CAPZB: variants seen among roughly 807,000 people sequenced by gnomAD.
CAPZB encodes capping actin protein of muscle Z-line subunit beta.
Under a neutral mutation model 38.1 loss-of-function variants are expected in CAPZB, and 2 were observed. That is an observed-to-expected ratio of 0.05 (90% CI 0.02 to 0.17). CAPZB has a LOEUF of 0.17. Ranked by LOEUF, CAPZB falls within the 10% of genes least tolerant of loss-of-function variation. The pLI is 1.00. For synonymous variants in CAPZB, 107 were observed against 127.4 expected (o/e 0.84, Z 1.08); for missense variants, 161 against 334.2 (o/e 0.48, Z 4.04).
At position 19,419,718 on chromosome 1, in the gene CAPZB, T is replaced by C; in HGVS notation, c.36A>G (p.Leu12=). 7 of 1,593,684 alleles carry C rather than the reference T, an allele frequency of 4.4e-6. No individual in the cohort carries two copies. Among genetic ancestry groups the C allele is most frequent in the Non-Finnish European group, 6.0e-6 (7 of 1,168,574 alleles). ...TTTGCTGGGGAGGCAGGCGCCTCAT[T>C]AGGTCCAAGGCACAGTCCAGCTGCT... is the stretch of plus-strand genomic sequence containing the variant. ...SDQQLDCALD[L]MRRLPPQQIE... is the part of the protein sequence containing the mutation. Residue 12 remains leucine, a synonymous_variant, in exon 2 of 9, where the codon CTA becomes CTG. Transcript: ENST00000264202.
At chr1:19,474,522 T>G (rs2094600256) in intron 1 of CAPZB, among the ~76,000 whole-genome samples, 1 of 152,134 alleles carries the variant, frequency 6.6e-6, no homozygotes, top group African/African-American at 2.4e-5. Flanking sequence ...TCCTTTATCT[T>G]GCCCCCTTCT....
chr1:19,412,937 G>C (rs932600846), intron 2 of CAPZB, among the ~76,000 whole-genome samples: 1 of 152,204 alleles, frequency 6.6e-6, no homozygotes, highest in African/African-American at 2.4e-5. Flanking sequence ...CCTCCTTCCA[G>C]AAATTAATTC....
intron 2 of CAPZB, among the ~76,000 whole-genome samples, chr1:19,413,198 G>A (rs571928675): frequency 1.8e-4 from 28 of 152,286 alleles, no homozygotes; most frequent in African/African-American, 4.3e-4. Context: ...ATTTTGACCC[G>A]TGGAGGAGAA....
chr1:19,362,993 G>A (rs1013617335), intron 4 of CAPZB, among the ~76,000 whole-genome samples: 24 of 152,292 alleles, frequency 1.6e-4, no homozygotes, highest in Admixed American at 4.6e-4. Flanking sequence ...GTTTGCTTGC[G>A]TCCACTGAAG....
intron 1 of CAPZB, among the ~76,000 whole-genome samples, chr1:19,466,159 G>A (rs370277009): frequency 2.6e-5 from 4 of 152,298 alleles, no homozygotes; most frequent in African/African-American, 9.6e-5. Context: ...GGTGGGTGGA[G>A]GATCAGACTC....
intron 2 of CAPZB, among the ~76,000 whole-genome samples, chr1:19,407,945 C>G (rs1188590191): frequency 6.6e-6 from 1 of 152,166 alleles, no homozygotes; most frequent in African/African-American, 2.4e-5. Context: ...AGTCTGGAGG[C>G]TCACCTTCTG....
chr1:19,341,240 A>T (rs982957508), intron 8 of CAPZB, among the ~76,000 whole-genome samples: 2 of 152,230 alleles, frequency 1.3e-5, no homozygotes, highest in African/African-American at 2.4e-5. Context: ...GGCCAAAGGC[A>T]TCAGCCCCCA....
At chr1:19,352,322 G>A (rs191381130) in intron 6 of CAPZB, among the ~76,000 whole-genome samples, 1 of 152,336 alleles carries the variant, frequency 6.6e-6, no homozygotes, top group East Asian at 1.9e-4. Context: ...ACTAGCCAAT[G>A]ACCTGCCTGA....
chr1:19,483,996 G>A (rs1292643664), intron 1 of CAPZB, among the ~76,000 whole-genome samples: 4 of 152,204 alleles, frequency 2.6e-5, no homozygotes, highest in African/African-American at 7.2e-5. Flanking sequence ...ATCCTGTCAG[G>A]AAGAAGTTCT....
intron 2 of CAPZB, among the ~76,000 whole-genome samples, chr1:19,395,675 G>A (rs2094263298): frequency 1.3e-5 from 2 of 152,200 alleles, no homozygotes; most frequent in African/African-American, 4.8e-5. Flanking sequence ...CAGGCCCTCG[G>A]AGCCTAATTA....
intron 1 of CAPZB, among the ~76,000 whole-genome samples, chr1:19,422,507 C>T (rs1303445271): frequency 6.6e-5 from 10 of 152,070 alleles, no homozygotes; most frequent in Admixed American, 3.9e-4. Flanking sequence ...GAGGCCAAGG[C>T]GGGCGGATCA....
At chr1:19,362,032 C>T (rs1237145272) in intron 4 of CAPZB, among the ~76,000 whole-genome samples, 1 of 152,166 alleles carries the variant, frequency 6.6e-6, no homozygotes, top group Admixed American at 6.5e-5. Context: ...CTGGCCCCTG[C>T]CCATGCCTGA....
At chr1:19,354,681 T>C (rs535161610) in intron 6 of CAPZB, among the ~76,000 whole-genome samples, 8 of 152,374 alleles carry the variant, frequency 5.3e-5, no homozygotes, top group Non-Finnish European at 5.9e-5. Flanking sequence ...ACTCTGGCCA[T>C]GGGCTGACAG....
intron 8 of CAPZB, chr1:19,342,612 G>A: frequency 1.5e-6 from 1 of 652,098 alleles, no homozygotes; most frequent in African/African-American, 1.8e-5. Context: ...CGGGAATGTG[G>A]CTGTGCACCG....
chr1:19,352,848 T>A (rs1347926010), intron 6 of CAPZB, among the ~76,000 whole-genome samples: 4 of 152,252 alleles, frequency 2.6e-5, no homozygotes, highest in African/African-American at 9.6e-5. Context: ...GGAGGCAGCA[T>A]CGCCTGGTCT....
chr1:19,346,709 A>G (rs2093962861), intron 6 of CAPZB, among the ~76,000 whole-genome samples: 1 of 151,712 alleles, frequency 6.6e-6, no homozygotes, highest in South Asian at 2.1e-4. Context: ...AGCAGAGGGC[A>G]GGAGAGAACC....
chr1:19,396,460 G>A (rs538726114), intron 2 of CAPZB, among the ~76,000 whole-genome samples: 3 of 152,150 alleles, frequency 2.0e-5, no homozygotes, highest in Non-Finnish European at 4.4e-5. Flanking sequence ...GTTGGATGAA[G>A]GTGTGCACCC....
chr1:19,428,264 G>C, intron 1 of CAPZB, among the ~76,000 whole-genome samples: 1 of 152,024 alleles, frequency 6.6e-6, no homozygotes, highest in South Asian at 2.1e-4. Flanking sequence ...TTAGCAGGGC[G>C]TGGTGGCAGA....
At chr1:19,396,647 T>A (rs2094271234) in intron 2 of CAPZB, among the ~76,000 whole-genome samples, 1 of 152,038 alleles carries the variant, frequency 6.6e-6, no homozygotes, top group Non-Finnish European at 1.5e-5. Context: ...CACATTTTTA[T>A]TAAGGATTAT....
Sources: gnomAD v4.1 joint callset for allele counts (sites outside exome capture counted in the v4.1 genomes callset) on GRCh38, gnomAD v4.1.1 for gene constraint, MANE v1.5 for transcripts, NCBI Gene and HGNC (gene_info 2026-07-23, HGNC 2026-07-21) for gene names.